AFG2A: variants seen among roughly 807,000 people sequenced by gnomAD.
The protein encoded by AFG2A is ATPase family gene 2 protein homolog A.
the AFG2A span, among the ~76,000 whole-genome samples, chr4:123,126,736 G>C: frequency 2.0e-5 from 3 of 152,132 alleles, no homozygotes; most frequent in Non-Finnish European, 4.4e-5. Context: ...CACAATGATT[G>C]TAAGTTTCCT....
At chr4:123,265,445 A>G in the AFG2A span, among the ~76,000 whole-genome samples, 1 of 152,230 alleles carries the variant, frequency 6.6e-6, no homozygotes, top group South Asian at 2.1e-4. Context: ...GATTCTCTGT[A>G]TTTCCAAACT....
the AFG2A span, among the ~76,000 whole-genome samples, chr4:123,080,656 C>T: frequency 6.6e-6 from 1 of 151,928 alleles, no homozygotes; most frequent in Non-Finnish European, 1.5e-5. Context: ...TTTGTATTTC[C>T]ATTTTGTACC....
chr4:122,943,888 C>G, the AFG2A span, among the ~76,000 whole-genome samples: 1 of 151,708 alleles, frequency 6.6e-6, no homozygotes, highest in Non-Finnish European at 1.5e-5. Context: ...TTCTCCTTCA[C>G]TTATGAAGCT....
the AFG2A span, among the ~76,000 whole-genome samples, chr4:122,984,043 C>T: frequency 6.6e-6 from 1 of 152,164 alleles, no homozygotes; most frequent in Admixed American, 6.5e-5. Context: ...AGCCAGAAAA[C>T]CAACCCTGGT....
chr4:123,106,152 C>T, the AFG2A span, among the ~76,000 whole-genome samples: 2 of 152,146 alleles, frequency 1.3e-5, no homozygotes, highest in African/African-American at 4.8e-5. Context: ...CAAGGCAAGA[C>T]TTTCCACCAG....
At chr4:122,932,601 G>C in the AFG2A span, among the ~76,000 whole-genome samples, 1 of 152,244 alleles carries the variant, frequency 6.6e-6, no homozygotes, top group East Asian at 1.9e-4. Context: ...TTATGCACAA[G>C]AGGAGGAGGA....
chr4:123,070,631 C>T, the AFG2A span, among the ~76,000 whole-genome samples: 5 of 152,166 alleles, frequency 3.3e-5, no homozygotes, highest in African/African-American at 9.7e-5. Context: ...ACCTTCATGA[C>T]CTAATTACCT....
At chr4:123,307,875 G>A in the AFG2A span, among the ~76,000 whole-genome samples, 2 of 152,172 alleles carry the variant, frequency 1.3e-5, 1 homozygote, top group South Asian at 4.1e-4. Context: ...TGTAGTGTAG[G>A]AGCAATAGAA....
At chr4:123,119,763 T>C in the AFG2A span, among the ~76,000 whole-genome samples, 1 of 152,144 alleles carries the variant, frequency 6.6e-6, no homozygotes, top group East Asian at 1.9e-4. Flanking sequence ...TCTGTATTAG[T>C]CCATTCTCAC....
chr4:122,999,177 T>G, the AFG2A span, among the ~76,000 whole-genome samples: 6 of 144,156 alleles, frequency 4.2e-5, no homozygotes, highest in Admixed American at 2.8e-4. Context: ...CTTGTAAATT[T>G]GTTTGAGTTC....
At chr4:122,934,645 TATGAC>T in the AFG2A span, 5 of 1,613,640 alleles carry the variant, frequency 3.1e-6, no homozygotes, top group Non-Finnish European at 2.5e-6. Context: ...CAAAGTAACT[TATGAC>T]ATGATAGGAG....
At chr4:122,936,512 T>TTCTAG in the AFG2A span, among the ~76,000 whole-genome samples, 1 of 152,164 alleles carries the variant, frequency 6.6e-6, no homozygotes, top group Non-Finnish European at 1.5e-5. Flanking sequence ...CTTTGTTATG[T>TTCTAG]TATACTTTGC....
At chr4:123,254,118 A>T in the AFG2A span, among the ~76,000 whole-genome samples, 1 of 152,152 alleles carries the variant, frequency 6.6e-6, no homozygotes, top group Admixed American at 6.5e-5. Context: ...CTTTGCAAAT[A>T]TGCATATTGT....
At chr4:123,172,550 G>A in the AFG2A span, among the ~76,000 whole-genome samples, 1 of 152,126 alleles carries the variant, frequency 6.6e-6, no homozygotes, top group Non-Finnish European at 1.5e-5. Context: ...GCGAAAAAGA[G>A]CATTAGCTTA....
the AFG2A span, among the ~76,000 whole-genome samples, chr4:123,057,735 T>G: frequency 2.0e-5 from 3 of 152,092 alleles, no homozygotes; most frequent in Non-Finnish European, 4.4e-5. Flanking sequence ...AGAATATAAA[T>G]TAGTATTAAT....
chr4:123,186,060 G>A, the AFG2A span, among the ~76,000 whole-genome samples: 2 of 152,012 alleles, frequency 1.3e-5, no homozygotes, highest in Admixed American at 6.6e-5. Context: ...GAAGCTAAAC[G>A]AAATTACAAC....
At chr4:123,237,197 A>G in the AFG2A span, among the ~76,000 whole-genome samples, 1 of 152,196 alleles carries the variant, frequency 6.6e-6, no homozygotes. Context: ...ATAATATGCA[A>G]ATGGCTGAAC....
the AFG2A span, among the ~76,000 whole-genome samples, chr4:123,070,135 T>C: frequency 6.6e-6 from 1 of 152,232 alleles, no homozygotes; most frequent in African/African-American, 2.4e-5. Context: ...ACATTCTTGC[T>C]CTTTTCAGCA....
the AFG2A span, among the ~76,000 whole-genome samples, chr4:122,975,079 T>G: frequency 6.6e-6 from 1 of 152,284 alleles, no homozygotes; most frequent in South Asian, 2.1e-4. Context: ...CTTAGTCCAG[T>G]TTCTGCTGCT....
Sources: allele counts gnomAD v4.1 joint callset (sites outside exome capture counted in the v4.1 genomes callset), GRCh38; gene constraint gnomAD v4.1.1; transcripts MANE v1.5; gene names NCBI Gene and HGNC (gene_info 2026-07-23, HGNC 2026-07-21).